The following BTD variants were observed in gnomAD, a reference collection of about 807,000 sequenced individuals.
The protein encoded by BTD is biotinidase.
Under a neutral mutation model 17.7 loss-of-function variants are expected in BTD, and 13 were observed. The ratio of observed to expected loss-of-function variants is 0.74; its 90% confidence interval spans 0.48 to 1.17. The LOEUF (loss-of-function observed/expected upper bound fraction) is 1.17, where lower values mean the gene tolerates loss of function less well. Ranked by LOEUF, BTD falls within the 50% of genes most tolerant of loss-of-function variation. The pLI is 0.00. For missense variants in BTD, 674 were observed against 650.4 expected, an observed-to-expected ratio of 1.04 and a Z score of -0.39; for synonymous variants, 240 against 245.2, an observed-to-expected ratio of 0.98 and a Z score of 0.20.
exon 4 of BTD, chr3:15,712,217 C>T (rs1490626450): frequency 6.3e-7 from 1 of 1,577,132 alleles, no homozygotes; most frequent in Non-Finnish European, 8.6e-7. Flanking sequence ...TCCATGTATG[C>T]CACGCCTAAA....
chr3:15,701,823 T>G (rs1209432987), intron 3 of BTD, among the ~76,000 whole-genome samples: 1 of 152,158 alleles, frequency 6.6e-6, no homozygotes, highest in Non-Finnish European at 1.5e-5. Flanking sequence ...GTGTGTAAAC[T>G]CTGTACACAG....
At chr3:15,709,605 T>A (rs746278204) in intron 3 of BTD, 3 of 1,146,446 alleles carry the variant, frequency 2.6e-6, no homozygotes, top group Non-Finnish European at 3.8e-6. Context: ...AGAAGCCAGT[T>A]AGAAGGTCAA....
At chr3:15,631,935 C>A (rs2065219617) in intron 1 of BTD, among the ~76,000 whole-genome samples, 1 of 152,142 alleles carries the variant, frequency 6.6e-6, no homozygotes, top group Admixed American at 6.5e-5. Context: ...TGTTAGGAGA[C>A]CACTAAGCAG....
In BTD at chr3:15,695,771, C is replaced by T. The variant is rs114712759; in HGVS notation, c.400-14289C>T. 8.6e-3 allele frequency among the ~76,000 whole-genome samples: 1,312 copies of T among 152,042 alleles called. 20 individuals are homozygous for T. Among genetic ancestry groups the T allele is most frequent in the African/African-American group, 0.03 (1,226 of 41,496 alleles). ...GAAATAAATGTGCCTTTTGGAATTCCCTAAATATATGGGGGAGATATTCCT... is the reference window on the plus strand; with the variant it reads ...GAAATAAATGTGCCTTTTGGAATTCTCTAAATATATGGGGGAGATATTCCT... On this transcript the variant is annotated intron_variant, in intron 3 of 3. Coordinates refer to the BTD transcript ENST00000672141.
rs2125530879 is a variant in BTD at position 15,652,503 on chromosome 3, G to T, written c.*7015G>T. On this transcript the variant is annotated 3_prime_UTR_variant, in exon 4 of 4. Transcript: ENST00000643237. ...CATGTTGGAAGTGGGTCCTCCAGCT[G>T]CAGTCAAGCTTCCAGATGACCACTG... Among the ~76,000 whole-genome samples the T allele has an allele frequency of 6.6e-6, 1 of 152,296 alleles. No individual in the cohort carries two copies. The highest frequency in any genetic ancestry group is 2.1e-4 in the South Asian group (1 of 4,828).
Position 15,648,625 on chromosome 3 carries a change from G to A in BTD, c.*3137G>A, listed in dbSNP as rs1575034907. On this transcript the variant is annotated 3_prime_UTR_variant, in exon 4 of 4. Transcript: ENST00000643237. ...TCAACCAAGGCTGCAGCCGGTTGAA[G>A]GCCTCACTGGATTTGGAGAATATTA... Among the ~76,000 whole-genome samples the A allele has an allele frequency of 6.6e-6, 1 of 152,186 alleles. No individual in the cohort carries two copies. Among genetic ancestry groups the A allele is most frequent in the African/African-American group, 2.4e-5 (1 of 41,446 alleles).
rs2455852 is a variant in BTD at position 15,647,181 on chromosome 3, C to T, written c.*1693C>T. ...ACCTCTCCCACCAGATGACGGAGTT[C>T]GCTTTCTCGCCCAGCGCAGCTCCCA... On this transcript the variant is annotated 3_prime_UTR_variant, in exon 4 of 4. Coordinates refer to ENST00000643237, the MANE Select transcript of BTD (RefSeq NM_001370658.1). The T allele has an allele frequency of 0.5, 75,982 of 152,156 alleles. 21,999 individuals are homozygous for T. Among genetic ancestry groups the T allele is most frequent in the Middle Eastern group, 0.65 (191 of 294 alleles). The allele number at this position is 152,156 out of a possible 1,614,324, so 9.4% of individuals were successfully genotyped here. A position where few individuals can be genotyped will look rare whatever the true frequency, so the allele number is the denominator to read the frequency against.
chr3:15,687,626 G>A (rs1186663454), intron 3 of BTD, among the ~76,000 whole-genome samples: 1 of 151,584 alleles, frequency 6.6e-6, no homozygotes, highest in African/African-American at 2.4e-5. Context: ...GCTAGGTGCT[G>A]AATATTCCAC....
At chr3:15,642,276 A>G (rs556346873) in intron 3 of BTD, 6 of 1,425,916 alleles carry the variant, frequency 4.2e-6, no homozygotes, top group Admixed American at 2.8e-5. Context: ...CCATTTATTA[A>G]TTACACAATA....
intron 1 of BTD, among the ~76,000 whole-genome samples, chr3:15,616,052 T>C (rs1365705546): frequency 6.6e-6 from 1 of 152,244 alleles, no homozygotes; most frequent in Non-Finnish European, 1.5e-5. Flanking sequence ...ATTCACCTAC[T>C]GAAGAATATC....
At chr3:15,675,758 C>G in intron 3 of BTD, 1 of 640,568 alleles carries the variant, frequency 1.6e-6, no homozygotes, top group Admixed American at 3.6e-5. Context: ...GCCCTTATTC[C>G]TTTGCCACAA....
At chr3:15,666,321 C>T (rs1400067678) in intron 3 of BTD, among the ~76,000 whole-genome samples, 4 of 152,060 alleles carry the variant, frequency 2.6e-5, no homozygotes, top group South Asian at 4.1e-4. Flanking sequence ...TTAAGAGCAC[C>T]GACAATGGAC....
chr3:15,707,181 C>T (rs376546898), intron 3 of BTD, among the ~76,000 whole-genome samples: 1 of 152,174 alleles, frequency 6.6e-6, no homozygotes, highest in African/African-American at 2.4e-5. Context: ...TTTTACTTTT[C>T]ACTGACCCAC....
chr3:15,678,292 T>C, intron 3 of BTD: 1 of 1,613,248 alleles, frequency 6.2e-7, no homozygotes, highest in Non-Finnish European at 8.5e-7. Flanking sequence ...TTGAGCATTA[T>C]GGCTGAGCAG....
chr3:15,632,358 C>A (rs998282396), intron 1 of BTD, among the ~76,000 whole-genome samples: 17 of 152,236 alleles, frequency 1.1e-4, no homozygotes, highest in African/African-American at 4.1e-4. Context: ...TTGGGAATTG[C>A]ATGGCTGTCT....
At chr3:15,680,825 C>G (rs750951085) in intron 3 of BTD, among the ~76,000 whole-genome samples, 11 of 152,038 alleles carry the variant, frequency 7.2e-5, no homozygotes, top group Non-Finnish European at 1.3e-4. Flanking sequence ...GGCTACCACA[C>G]CTGGCTAATT....
At chr3:15,685,531 A>ATAC (rs2125761719) in intron 3 of BTD, 1 of 1,132,694 alleles carries the variant, frequency 8.8e-7, no homozygotes, top group Admixed American at 1.8e-5. Flanking sequence ...TTTAAAGACC[A>ATAC]TACTCTCCAT....
At chr3:15,684,258 T>G (rs1369979574) in intron 3 of BTD, 2 of 152,202 alleles carry the variant, frequency 1.3e-5, no homozygotes, top group Non-Finnish European at 2.9e-5. Flanking sequence ...ACTGCATTTT[T>G]AACATCTATA....
chr3:15,651,569 G>A lies in BTD; in HGVS notation c.*6081G>A, dbSNP rs1015337764. 1.3e-5 allele frequency among the ~76,000 whole-genome samples: 2 copies of A among 152,218 alleles called. No homozygotes were observed. The highest frequency in any genetic ancestry group is 4.8e-5 in the African/African-American group (2 of 41,454). ...GCAGGGGCTGTGAGAGAGACAGCCA[G>A]ACCGTAGCGGTGTGACAGGCAGAGA... On this transcript the variant is annotated 3_prime_UTR_variant, in exon 4 of 4. Transcript: ENST00000643237.
Sources: gnomAD v4.1 joint callset for allele counts (sites outside exome capture counted in the v4.1 genomes callset) on GRCh38, gnomAD v4.1.1 for gene constraint, MANE v1.5 for transcripts, NCBI Gene and HGNC (gene_info 2026-07-23, HGNC 2026-07-21) for gene names.